IKZF5: variants seen among roughly 807,000 people sequenced by gnomAD.
The protein encoded by IKZF5 is IKAROS family zinc finger 5, also known as zinc finger protein Pegasus.
Under a neutral mutation model 30.7 loss-of-function variants are expected in IKZF5, and 4 were observed. That is an observed-to-expected ratio of 0.13 (90% CI 0.06 to 0.30). The LOEUF (loss-of-function observed/expected upper bound fraction) is 0.30. Ranked by LOEUF, IKZF5 falls within the 10% of genes least tolerant of loss-of-function variation. IKZF5 has a pLI of 1.00. For synonymous variants in IKZF5, 148 were observed against 179.6 expected, an observed-to-expected ratio of 0.82 and a Z score of 1.41; for missense variants, 348 against 525.5, an observed-to-expected ratio of 0.66 and a Z score of 3.30.
chr10:122,995,519 C>T (rs1355590895), intron 4 of IKZF5, among the ~76,000 whole-genome samples: 5 of 150,038 alleles, frequency 3.3e-5, no homozygotes, highest in East Asian at 1.9e-4. Flanking sequence ...ACAGGAAGGA[C>T]GTCTGACCTG....
Position 122,993,223 on chromosome 10 carries a change from G to T in IKZF5, c.*557C>A, listed in dbSNP as rs575715657. 6 of 152,570 alleles carry T rather than the reference G, an allele frequency of 3.9e-5. No homozygotes were observed. In the East Asian group the frequency reaches 1.2e-3, roughly 29 times the overall value. The allele number at this position is 152,570 out of a possible 1,614,324, so 9.5% of individuals were successfully genotyped here. On this transcript the variant is annotated 3_prime_UTR_variant, in exon 5 of 5. Transcript: ENST00000368886. ...TTTACATTTCCTCTTGTGGAAAAAA[G>T]AAAATTTTTACTAAACTGAAATAGC...
intron 2 of IKZF5, among the ~76,000 whole-genome samples, chr10:123,006,328 T>G (rs937166869): frequency 1.3e-5 from 2 of 152,172 alleles, no homozygotes; most frequent in Non-Finnish European, 2.9e-5. Context: ...TCTTTCTTCT[T>G]CAGTCTCATA....
At chr10:122,998,974 A>G (rs1345400374) in intron 2 of IKZF5, among the ~76,000 whole-genome samples, 2 of 152,182 alleles carry the variant, frequency 1.3e-5, no homozygotes, top group Non-Finnish European at 2.9e-5. Context: ...TTATTGATGA[A>G]GAAGACAAGA....
chr10:122,993,049 T>C lies in IKZF5; in HGVS notation c.*731A>G, dbSNP rs1849221852. ...TCAGAATGAAGGATTTAAATGAAAG[T>C]CAAACTGACAGGGGAAAAAGGCATC... On this transcript the variant is annotated 3_prime_UTR_variant, in exon 5 of 5. Transcript: ENST00000368886. The C allele has an allele frequency of 6.6e-6, 1 of 152,510 alleles. No homozygotes were observed. Among genetic ancestry groups the C allele is most frequent in the Admixed American group, 6.5e-5 (1 of 15,280 alleles). 9.4% of individuals were successfully genotyped at this position (152,510 alleles called of 1,614,324 possible).
Position 123,005,539 on chromosome 10 carries a change from T to C in IKZF5, c.-47+1487A>G, listed in dbSNP as rs77452751. On this transcript the variant is annotated intron_variant, in intron 2 of 4. Transcript: ENST00000368886. ...TTATTACAGATGTGGGTGGTGTTATTACAACTCAGATGTACTCTTTCTGCT... is the reference window on the plus strand; with the variant it reads ...TTATTACAGATGTGGGTGGTGTTATCACAACTCAGATGTACTCTTTCTGCT... Among the ~76,000 whole-genome samples the C allele has an allele frequency of 6.9e-3, 1,057 of 152,350 alleles. 11 individuals carry two copies. The highest frequency in any genetic ancestry group is 0.024 in the African/African-American group (1,018 of 41,578).
At chr10:123,007,383 G>A (rs1320415956) in intron 1 of IKZF5, among the ~76,000 whole-genome samples, 4 of 152,204 alleles carry the variant, frequency 2.6e-5, no homozygotes, top group Non-Finnish European at 5.9e-5. Flanking sequence ...AATAACTGGT[G>A]TGACTACCGT....
At chr10:123,005,311 A>G (rs1014196122) in intron 2 of IKZF5, among the ~76,000 whole-genome samples, 3 of 152,236 alleles carry the variant, frequency 2.0e-5, no homozygotes, top group African/African-American at 7.2e-5. Flanking sequence ...AGGCATTGAT[A>G]AATTTTAAAA....
intron 2 of IKZF5, among the ~76,000 whole-genome samples, chr10:123,002,129 A>G (rs924187383): frequency 4.6e-5 from 7 of 152,180 alleles, no homozygotes; most frequent in African/African-American, 1.7e-4. Flanking sequence ...CCAAATAAGG[A>G]CTTACAGGTA....
In IKZF5 at chr10:122,991,677, G is replaced by A. The variant is rs1849166668; in HGVS notation, c.*2103C>T. 1 of 152,140 alleles carries A rather than the reference G, an allele frequency of 6.6e-6. No homozygotes were observed. The highest frequency in any genetic ancestry group is 1.5e-5 in the Non-Finnish European group (1 of 67,990). The allele number at this position is 152,140 out of a possible 1,614,324, so 9.4% of individuals were successfully genotyped here. A position where few individuals can be genotyped will look rare whatever the true frequency, so the allele number is the denominator to read the frequency against. ...TTTTAGTGCATTTAGAATAACTGTA[G>A]CTTCTTAGCATCAAAACCTTTGGGA... On this transcript the variant is annotated 3_prime_UTR_variant, in exon 5 of 5. Coordinates refer to ENST00000368886, the MANE Select transcript of IKZF5 (RefSeq NM_001372123.1).
intron 2 of IKZF5, among the ~76,000 whole-genome samples, chr10:123,005,065 G>A (rs1027688653): frequency 2.6e-5 from 4 of 152,042 alleles, no homozygotes; most frequent in Admixed American, 2.6e-4. Flanking sequence ...AAGGTGGGAG[G>A]ACTGCCTGAG....
At position 122,993,480 on chromosome 10, in the gene IKZF5, T is replaced by A. The variant is rs7079983; in HGVS notation, c.*300A>T. 0.011 allele frequency: 2,185 copies of A among 207,828 alleles called. 55 individuals are homozygous for A. The highest frequency in any genetic ancestry group is 0.047 in the African/African-American group (2,053 of 43,358). 12.9% of individuals were successfully genotyped at this position (207,828 alleles called of 1,614,324 possible). A position where few individuals can be genotyped will look rare whatever the true frequency, so the allele number is the denominator to read the frequency against. On this transcript the variant is annotated 3_prime_UTR_variant, in exon 5 of 5. Transcript: ENST00000368886. ...TAAGCCTTGAAGTTTTTATGGACCA[T>A]AAATGTGAGAAATTCAAATGAACAT...
intron 2 of IKZF5, among the ~76,000 whole-genome samples, chr10:123,004,384 A>T (rs1849707225): frequency 1.4e-5 from 2 of 140,652 alleles, no homozygotes; most frequent in South Asian, 4.4e-4. Flanking sequence ...ATTAGAAAGC[A>T]TAACGTTGCT....
intron 2 of IKZF5, among the ~76,000 whole-genome samples, chr10:123,001,153 C>T (rs543295901): frequency 6.6e-6 from 1 of 151,970 alleles, no homozygotes; most frequent in East Asian, 1.9e-4. Flanking sequence ...CTACAGGTGT[C>T]CGCCACCACG....
chr10:122,997,851 C>T (rs1290146408), intron 3 of IKZF5, among the ~76,000 whole-genome samples: 2 of 152,198 alleles, frequency 1.3e-5, no homozygotes, highest in Non-Finnish European at 2.9e-5. Flanking sequence ...TTACATTATT[C>T]TCCTTTTGAC....
Position 122,993,945 on chromosome 10 carries a change from G to A in IKZF5, c.1095C>T (p.His365=). The part of the protein sequence containing the change: ...LPVQDPQLLH[H]CQHCDMYFAD... ...CAAAGTACATATCACAGTGCTGGCAGTGGTGCAGAAGCTGAGGGTCCTGGA... is the reference window on the plus strand; with the variant it reads ...CAAAGTACATATCACAGTGCTGGCAATGGTGCAGAAGCTGAGGGTCCTGGA... The change falls in exon 5 of 5, where the codon CAC becomes CAT. Residue 365 remains histidine (H), a synonymous_variant. Transcript: ENST00000368886. The A allele has an allele frequency of 1.2e-6, 2 of 1,614,198 alleles. No homozygotes were observed. The highest frequency in any genetic ancestry group is 1.7e-6 in the Non-Finnish European group (2 of 1,180,030).
intron 2 of IKZF5, among the ~76,000 whole-genome samples, chr10:123,003,251 G>A (rs1343140591): frequency 1.4e-5 from 2 of 137,944 alleles, no homozygotes; most frequent in Admixed American, 1.5e-4. Flanking sequence ...TGTGGGGGGG[G>A]GGGTCATAAT....
intron 2 of IKZF5, among the ~76,000 whole-genome samples, chr10:123,001,355 A>G (rs1255096604): frequency 6.6e-6 from 1 of 152,150 alleles, no homozygotes; most frequent in African/African-American, 2.4e-5. Flanking sequence ...TTAATATAGT[A>G]CAATTTACCC....
intron 2 of IKZF5, among the ~76,000 whole-genome samples, chr10:122,998,971 T>C (rs996572601): frequency 2.6e-5 from 4 of 152,148 alleles, no homozygotes; most frequent in Non-Finnish European, 4.4e-5. Flanking sequence ...AGATTATTGA[T>C]GAAGAAGACA....
At chr10:123,003,250 G>C (rs1358830868) in intron 2 of IKZF5, among the ~76,000 whole-genome samples, 1 of 141,384 alleles carries the variant, frequency 7.1e-6, no homozygotes, top group East Asian at 2.2e-4. Flanking sequence ...TTGTGGGGGG[G>C]GGGGTCATAA....
Sources: gnomAD v4.1 joint callset for allele counts (sites outside exome capture counted in the v4.1 genomes callset) on GRCh38, gnomAD v4.1.1 for gene constraint, MANE v1.5 for transcripts, NCBI Gene and HGNC (gene_info 2026-07-23, HGNC 2026-07-21) for gene names.